Variants in HPGDS observed in about 807,000 individuals in gnomAD.
HPGDS encodes the protein GST class-sigma.
HPGDS carries 26 observed loss-of-function variants against 23.1 expected under a neutral mutation model. The ratio of observed to expected loss-of-function variants is 1.13; its 90% CI spans 0.83 to 1.56. The LOEUF is 1.56. Ranked by LOEUF, HPGDS falls within the 40% of genes most tolerant of loss-of-function variation. The pLI, the probability that HPGDS is intolerant of heterozygous loss-of-function variation, is 0.00. For missense variants in HPGDS, 268 were observed against 236.4 expected, an observed-to-expected ratio of 1.13 and a Z score of -0.88; for synonymous variants, 95 against 77.9, an observed-to-expected ratio of 1.22 and a Z score of -1.16.
rs1244991760 is a variant in HPGDS at position 94,308,822 on chromosome 4, T to C, written c.227-79A>G. ...TTGTTTTTAACAGATAGTATACTCA[T>C]ATGGTTGAAAATTCAAAGAGTGTAA... On this transcript the variant is annotated intron_variant, in intron 3 of 5. Transcript: ENST00000295256. The C allele has an allele frequency of 5.8e-6, 4 of 686,900 alleles. No individual in the cohort carries two copies. The Admixed American group carries it at 7.1e-5, about 12-fold the overall frequency. 42.6% of individuals were successfully genotyped at this position (686,900 alleles called of 1,614,324 possible). A position where few individuals can be genotyped will look rare whatever the true frequency, so the allele number is the denominator to read the frequency against.
At chr4:94,316,346 C>T (rs1259231961) in intron 3 of HPGDS, among the ~76,000 whole-genome samples, 1 of 150,012 alleles carries the variant, frequency 6.7e-6, no homozygotes, top group African/African-American at 2.5e-5. Flanking sequence ...CACATGGCAA[C>T]GTCTATCTAC....
At chr4:94,322,444 G>A (rs1756533816) in intron 2 of HPGDS, among the ~76,000 whole-genome samples, 1 of 152,160 alleles carries the variant, frequency 6.6e-6, no homozygotes, top group Non-Finnish European at 1.5e-5. Flanking sequence ...TTCAGATCCT[G>A]TTATTGGTCT....
chr4:94,314,715 T>C (rs1321717000), intron 3 of HPGDS, among the ~76,000 whole-genome samples: 2 of 152,188 alleles, frequency 1.3e-5, no homozygotes, highest in Non-Finnish European at 2.9e-5. Context: ...GCCTTTTGTT[T>C]GGCTATGCCC....
intron 2 of HPGDS, among the ~76,000 whole-genome samples, chr4:94,324,315 A>G (rs1345092280): frequency 6.6e-6 from 1 of 152,096 alleles, no homozygotes; most frequent in East Asian, 1.9e-4. Context: ...CTGTCTTGCT[A>G]GGTTGGGGAA....
intron 2 of HPGDS, among the ~76,000 whole-genome samples, chr4:94,324,958 T>G (rs1390611803): frequency 6.6e-6 from 1 of 152,178 alleles, no homozygotes; most frequent in African/African-American, 2.4e-5. Context: ...GGATGTCCTT[T>G]TTGTTGATGT....
intron 1 of HPGDS, among the ~76,000 whole-genome samples, chr4:94,336,020 A>T (rs1721003729): frequency 6.6e-6 from 1 of 152,100 alleles, no homozygotes. Context: ...AGCCTGGCCA[A>T]CATGGTGAAA....
intron 1 of HPGDS, among the ~76,000 whole-genome samples, chr4:94,336,163 G>A (rs958958992): frequency 9.4e-5 from 14 of 148,730 alleles, no homozygotes; most frequent in Admixed American, 2.0e-4. Flanking sequence ...CCAAGATCAC[G>A]CCACTGCACT....
intron 3 of HPGDS, among the ~76,000 whole-genome samples, chr4:94,313,522 G>A (rs999374103): frequency 2.0e-5 from 3 of 152,186 alleles, no homozygotes; most frequent in African/African-American, 7.2e-5. Flanking sequence ...TAGTCTGATG[G>A]GCTTTCCTTT....
chr4:94,333,897 CA>C (rs1215786067), intron 2 of HPGDS, among the ~76,000 whole-genome samples: 1 of 152,098 alleles, frequency 6.6e-6, no homozygotes, highest in Non-Finnish European at 1.5e-5. Context: ...TCGGAAGAAA[CA>C]TTTGGATATT....
intron 3 of HPGDS, among the ~76,000 whole-genome samples, chr4:94,313,884 C>T (rs1167838895): frequency 1.3e-5 from 2 of 152,130 alleles, no homozygotes; most frequent in Non-Finnish European, 2.9e-5. Flanking sequence ...TCATTTCATT[C>T]TTTTGATCTT....
At chr4:94,302,929 G>T (rs1442493141) in intron 4 of HPGDS, among the ~76,000 whole-genome samples, 1 of 151,936 alleles carries the variant, frequency 6.6e-6, no homozygotes, top group African/African-American at 2.4e-5. Flanking sequence ...AAGCTCTGAA[G>T]ACCAAATAAT....
intron 2 of HPGDS, among the ~76,000 whole-genome samples, chr4:94,330,085 T>C (rs933731677): frequency 6.6e-6 from 1 of 152,222 alleles, no homozygotes; most frequent in Non-Finnish European, 1.5e-5. Flanking sequence ...TAACAGGAAC[T>C]TGTTTGGAGG....
chr4:94,314,948 A>T (rs1756364702), intron 3 of HPGDS, among the ~76,000 whole-genome samples: 1 of 152,200 alleles, frequency 6.6e-6, no homozygotes, highest in Non-Finnish European at 1.5e-5. Flanking sequence ...CAGGCACGGG[A>T]TATAATCTCC....
At chr4:94,333,554 C>A (rs1444965916) in intron 2 of HPGDS, among the ~76,000 whole-genome samples, 1 of 152,194 alleles carries the variant, frequency 6.6e-6, no homozygotes, top group South Asian at 2.1e-4. Context: ...AAATTTCTGT[C>A]CTTTCTAAGA....
At chr4:94,301,142 G>A (rs984620932) in intron 5 of HPGDS, among the ~76,000 whole-genome samples, 1 of 152,188 alleles carries the variant, frequency 6.6e-6, no homozygotes, top group Non-Finnish European at 1.5e-5. Flanking sequence ...TGTGGCAAAT[G>A]TAGTTCTGTA....
At chr4:94,327,419 C>G (rs72886758) in intron 2 of HPGDS, among the ~76,000 whole-genome samples, 23 of 152,168 alleles carry the variant, frequency 1.5e-4, no homozygotes, top group African/African-American at 5.1e-4. Context: ...CCCCAGACCC[C>G]TGGATAATGT....
At chr4:94,309,561 G>T (rs1756216798) in intron 3 of HPGDS, among the ~76,000 whole-genome samples, 1 of 152,060 alleles carries the variant, frequency 6.6e-6, no homozygotes, top group African/African-American at 2.4e-5. Flanking sequence ...CCAAGTCTTT[G>T]CTATTGTGAA....
intron 1 of HPGDS, among the ~76,000 whole-genome samples, chr4:94,337,630 C>T (rs1464172178): frequency 6.6e-6 from 1 of 152,004 alleles, no homozygotes; most frequent in Non-Finnish European, 1.5e-5. Flanking sequence ...AGCCAAGATC[C>T]TGCCATTGCA....
chr4:94,328,183 C>T (rs1357059220), intron 2 of HPGDS, among the ~76,000 whole-genome samples: 2 of 152,244 alleles, frequency 1.3e-5, no homozygotes, highest in Admixed American at 6.5e-5. Context: ...TGATTCCAGC[C>T]ACATCAGCTG....
Sources: allele counts gnomAD v4.1 joint callset (sites outside exome capture counted in the v4.1 genomes callset), GRCh38; gene constraint gnomAD v4.1.1; transcripts MANE v1.5; gene names NCBI Gene and HGNC (gene_info 2026-07-23, HGNC 2026-07-21).